Variants in ZBED3 observed in about 807,000 individuals in gnomAD.
The protein encoded by ZBED3 is zinc finger BED domain-containing protein 3.
For synonymous variants in ZBED3, 175 were observed against 180.0 expected, an observed-to-expected ratio of 0.97 and a Z score of 0.22; for missense variants, 388 against 362.9, an observed-to-expected ratio of 1.07 and a Z score of -0.56.
In ZBED3 at chr5:77,076,162, TAA is replaced by T. The variant is rs935889600; in HGVS notation, c.*1010_*1011del. The T allele has an allele frequency of 9.3e-5, 14 of 150,404 alleles. No individual in the cohort carries two copies. Among genetic ancestry groups the T allele is most frequent in the African/African-American group, 2.7e-4 (11 of 40,748 alleles). The allele number at this position is 150,404 out of a possible 1,614,324, so 9.3% of individuals were successfully genotyped here. ...CCAGGACTTGTTGGCCCTTCTGGGTTAAGTCTTTCTTTTCAGTAAGAAAGGGA... is the reference window on the plus strand; with the variant it reads ...CCAGGACTTGTTGGCCCTTCTGGGTTGTCTTTCTTTTCAGTAAGAAAGGGA... On this transcript the variant is annotated 3_prime_UTR_variant, in exon 3 of 3. Transcript: ENST00000255198.
At chr5:77,086,034 C>T (rs1470102359) in intron 1 of ZBED3, among the ~76,000 whole-genome samples, 1 of 152,192 alleles carries the variant, frequency 6.6e-6, no homozygotes, top group Non-Finnish European at 1.5e-5. Context: ...GGCAGAGAAG[C>T]ACTCTCTCTC....
chr5:77,075,686 A>G lies in ZBED3; in HGVS notation c.*1488T>C, dbSNP rs1401957372. On this transcript the variant is annotated 3_prime_UTR_variant, in exon 3 of 3. Coordinates refer to ENST00000255198, the MANE Select transcript of ZBED3 (RefSeq NM_032367.4). ...TTTCAACTTTTTCTGGATGTGTGGA[A>G]TTTTTCAATATAAAAAAATAAGAAA... 2 of 151,520 alleles carry G rather than the reference A, an allele frequency of 1.3e-5. No homozygotes were observed. The highest frequency in any genetic ancestry group is 2.4e-5 in the African/African-American group (1 of 41,172). The allele number at this position is 151,520 out of a possible 1,614,324, so 9.4% of individuals were successfully genotyped here. A position where few individuals can be genotyped will look rare whatever the true frequency, so the allele number is the denominator to read the frequency against.
Position 77,072,120 on chromosome 5 carries a change from G to T in ZBED3, c.*5054C>A, listed in dbSNP as rs1001990319. 1 of 152,100 alleles carries T rather than the reference G, an allele frequency of 6.6e-6. No individual in the cohort carries two copies. The highest frequency in any genetic ancestry group is 2.4e-5 in the African/African-American group (1 of 41,430). The allele number at this position is 152,100 out of a possible 1,614,324, so 9.4% of individuals were successfully genotyped here. A position where few individuals can be genotyped will look rare whatever the true frequency, so the allele number is the denominator to read the frequency against. On this transcript the variant is annotated 3_prime_UTR_variant, in exon 3 of 3. Coordinates refer to ENST00000255198, the MANE Select transcript of ZBED3 (RefSeq NM_032367.4). ...TAATACTGTGAAACCAGATTTCAGA[G>T]AATGTCATAATTAAGATTTTTATAA...
At chr5:77,081,439 C>T (rs1743128511) in intron 1 of ZBED3, among the ~76,000 whole-genome samples, 1 of 151,750 alleles carries the variant, frequency 6.6e-6, no homozygotes, top group Non-Finnish European at 1.5e-5. Flanking sequence ...CTCTGCTTCC[C>T]AGGCTCAAGA....
intron 1 of ZBED3, among the ~76,000 whole-genome samples, chr5:77,086,207 G>A (rs1285239302): frequency 2.0e-5 from 3 of 152,152 alleles, no homozygotes; most frequent in Admixed American, 6.5e-5. Flanking sequence ...TGAGTTATAG[G>A]AATTTAAAGC....
chr5:77,080,490 C>A, intron 1 of ZBED3: 1 of 517,206 alleles, frequency 1.9e-6, no homozygotes, highest in Non-Finnish European at 3.9e-6. Context: ...ACATCCTCTG[C>A]CTGGGCAGCC....
chr5:77,084,643 C>T (rs552003427), intron 1 of ZBED3, among the ~76,000 whole-genome samples: 19 of 152,146 alleles, frequency 1.2e-4, no homozygotes, highest in Non-Finnish European at 2.2e-4. Context: ...GGGTGAATTC[C>T]GTCACATAAT....
rs1393127757 is a variant in ZBED3 at position 77,074,491 on chromosome 5, AG to A, written c.*2682del. On this transcript the variant is annotated 3_prime_UTR_variant, in exon 3 of 3. Transcript: ENST00000255198. ...GATTCTTAGCCACTGTATGACTTGA[AG>A]GTGATACTAACTCCCCTGAACCTGT... 6.6e-6 allele frequency: 1 copy of A among 152,180 alleles called. No homozygotes were observed. Among genetic ancestry groups the A allele is most frequent in the African/African-American group, 2.4e-5 (1 of 41,448 alleles). The allele number at this position is 152,180 out of a possible 1,614,324, so 9.4% of individuals were successfully genotyped here.
In ZBED3 at chr5:77,078,372, G is replaced by C. The variant is rs116610160; in HGVS notation, c.-18+222C>G. The stretch of plus-strand genomic sequence containing the variant: ...GCAATGACCAGAAAAGACAGCTTTG[G>C]GAATGAAAATTTTGTTTCTTAAACT... On this transcript the variant is annotated intron_variant, in intron 2 of 2. Transcript: ENST00000255198. Among the ~76,000 whole-genome samples the C allele has an allele frequency of 7.4e-3, 1,126 of 152,278 alleles. 16 individuals are homozygous for C. The highest frequency in any genetic ancestry group is 0.026 in the African/African-American group (1,070 of 41,546).
intron 1 of ZBED3, chr5:77,080,477 G>C (rs769789444): frequency 1.9e-6 from 1 of 515,528 alleles, no homozygotes; most frequent in Non-Finnish European, 3.9e-6. Context: ...GGGTGGCAAG[G>C]GGACATCCTC....
intron 1 of ZBED3, among the ~76,000 whole-genome samples, chr5:77,086,328 C>CT (rs796988896): frequency 2.7e-3 from 406 of 147,886 alleles, no homozygotes; most frequent in African/African-American, 9.1e-3. Context: ...TTGCTGTCTA[C>CT]TTTTTTTTTT....
chr5:77,082,161 G>A (rs1743140349), intron 1 of ZBED3, among the ~76,000 whole-genome samples: 1 of 151,980 alleles, frequency 6.6e-6, no homozygotes, highest in Admixed American at 6.6e-5. Context: ...CAGCTACTTG[G>A]GAGGCTGAGG....
chr5:77,079,562 A>AT lies in ZBED3; in HGVS notation c.-152-835dup, dbSNP rs200218541. On this transcript the variant is annotated intron_variant, in intron 1 of 2. Transcript: ENST00000255198. ...GATCAGGTATGACATTTAACATATC[A>AT]TTTTTTTAAAAAGATAACAAATATA... 8.1e-3 allele frequency among the ~76,000 whole-genome samples: 1,232 copies of AT among 152,308 alleles called. 13 individuals are homozygous for AT. The highest frequency in any genetic ancestry group is 0.028 in the South Asian group (135 of 4,830).
chr5:77,083,037 T>A (rs1246541563), intron 1 of ZBED3, among the ~76,000 whole-genome samples: 1 of 152,160 alleles, frequency 6.6e-6, no homozygotes, highest in African/African-American at 2.4e-5. Flanking sequence ...CTCGGGAGGC[T>A]GAGGCAGGAG....
chr5:77,082,871 C>G (rs907230694), intron 1 of ZBED3, among the ~76,000 whole-genome samples: 7 of 152,178 alleles, frequency 4.6e-5, no homozygotes, highest in African/African-American at 1.7e-4. Flanking sequence ...TGTGGTGGCT[C>G]ACACCTGTAA....
Position 77,075,935 on chromosome 5 carries a change from T to TTA in ZBED3, c.*1237_*1238dup, listed in dbSNP as rs201611949. The TTA allele has an allele frequency of 0.044, 937 of 21,106 alleles. 222 individuals are homozygous for TTA. The highest frequency in any genetic ancestry group is 0.06 in the Non-Finnish European group (527 of 8,816). 1.3% of individuals were successfully genotyped at this position (21,106 alleles called of 1,614,324 possible). A position where few individuals can be genotyped will look rare whatever the true frequency, so the allele number is the denominator to read the frequency against. ...GACATGCACCCTAGAACTTAAAGTA[T>TTA]TATATATACATATATATATATATAT... On this transcript the variant is annotated 3_prime_UTR_variant, in exon 3 of 3. Transcript: ENST00000255198.
Position 77,077,185 on chromosome 5 carries a change from C to T in ZBED3, c.694G>A (p.Val232Ile). 6.7e-7 allele frequency: 1 copy of T among 1,491,186 alleles called. No individual in the cohort carries two copies. The highest frequency in any genetic ancestry group is 8.9e-7 in the Non-Finnish European group (1 of 1,125,664). 92.4% of individuals were successfully genotyped at this position (1,491,186 alleles called of 1,614,324 possible). The change falls in exon 3 of 3, where the codon GTC (valine) becomes ATC (isoleucine). Residue 232 changes from valine (V) to isoleucine (I), a missense_variant. Coordinates refer to ENST00000255198, the MANE Select transcript of ZBED3 (RefSeq NM_032367.4). ...GDRDGCVITK[V>I]LL Reference sequence around the variant, plus strand: ...AAGTGGCCACACCCCTACAGGAGGACCTTTGTGATGACGCAGCCGTCCCTG... The same window carrying T: ...AAGTGGCCACACCCCTACAGGAGGATCTTTGTGATGACGCAGCCGTCCCTG...
At position 77,075,857 on chromosome 5, in the gene ZBED3, G is replaced by A. The variant is rs1742964441; in HGVS notation, c.*1317C>T. The A allele has an allele frequency of 1.4e-5, 2 of 147,816 alleles. No individual in the cohort carries two copies. Among genetic ancestry groups the A allele is most frequent in the South Asian group, 2.1e-4 (1 of 4,688 alleles). 9.2% of individuals were successfully genotyped at this position (147,816 alleles called of 1,614,324 possible). ...GGCTGCAAATAGATCATCATATTTGGTCACTGGGAGATTGTGGCAGCTTGG... is the reference window on the plus strand; with the variant it reads ...GGCTGCAAATAGATCATCATATTTGATCACTGGGAGATTGTGGCAGCTTGG... On this transcript the variant is annotated 3_prime_UTR_variant, in exon 3 of 3. Transcript: ENST00000255198.
rs933453290 is a variant in ZBED3 at position 77,073,671 on chromosome 5, TA to T, written c.*3502del. The T allele has an allele frequency of 1.7e-4, 26 of 152,266 alleles. No individual in the cohort carries two copies. Among genetic ancestry groups the T allele is most frequent in the African/African-American group, 5.8e-4 (24 of 41,546 alleles). 9.4% of individuals were successfully genotyped at this position (152,266 alleles called of 1,614,324 possible). On this transcript the variant is annotated 3_prime_UTR_variant, in exon 3 of 3. Transcript: ENST00000255198. Reference sequence around the variant, plus strand: ...TTAAATCTTTATTGACTAAACAGCTTAAAAAATTACTACTATTTCCTTTTAT... The same window carrying T: ...TTAAATCTTTATTGACTAAACAGCTTAAAAATTACTACTATTTCCTTTTAT...
Sources: allele counts gnomAD v4.1 joint callset (sites outside exome capture counted in the v4.1 genomes callset), GRCh38; gene constraint gnomAD v4.1.1; transcripts MANE v1.5; gene names NCBI Gene and HGNC (gene_info 2026-07-23, HGNC 2026-07-21).